AP1S3: variants seen among roughly 807,000 people sequenced by gnomAD.
The protein encoded by AP1S3 is AP-1 complex subunit sigma-3.
AP1S3 carries 10 observed loss-of-function variants against 20.9 expected under a neutral mutation model. The ratio of observed to expected loss-of-function variants is 0.48; its 90% confidence interval spans 0.29 to 0.81. The LOEUF (loss-of-function observed/expected upper bound fraction) is 0.81. AP1S3 is among the 30% of genes least tolerant of loss of function. The pLI is 0.08. For missense variants in AP1S3, 154 were observed against 183.8 expected, an observed-to-expected ratio of 0.84 and a Z score of 0.94; for synonymous variants, 41 against 61.5, an observed-to-expected ratio of 0.67 and a Z score of 1.56.
At chr2:223,831,188 T>G (rs60563766) in intron 1 of AP1S3, among the ~76,000 whole-genome samples, 13,887 of 152,172 alleles carry the variant, frequency 0.091, 799 homozygotes, top group South Asian at 0.19. Flanking sequence ...TGGAGTGCAG[T>G]GGCACAATCA....
chr2:223,792,758 G>A (rs1443301794), intron 1 of AP1S3, among the ~76,000 whole-genome samples: 3 of 152,106 alleles, frequency 2.0e-5, no homozygotes, highest in East Asian at 1.9e-4. Context: ...CAGAGCAAAC[G>A]AAACTGTCAT....
intron 1 of AP1S3, among the ~76,000 whole-genome samples, chr2:223,834,831 A>G (rs1692358702): frequency 6.6e-6 from 1 of 152,128 alleles, no homozygotes; most frequent in Non-Finnish European, 1.5e-5. Context: ...TATGACCAAT[A>G]ACAATATTTT....
intron 3 of AP1S3, among the ~76,000 whole-genome samples, chr2:223,767,896 G>T (rs1690519092): frequency 1.3e-5 from 2 of 152,160 alleles, no homozygotes; most frequent in South Asian, 4.2e-4. Context: ...TTGGTCATCA[G>T]TTTCTACTGA....
chr2:223,771,590 T>C (rs947722236), intron 3 of AP1S3, among the ~76,000 whole-genome samples: 25 of 152,238 alleles, frequency 1.6e-4, no homozygotes, highest in Non-Finnish European at 3.5e-4. Flanking sequence ...GTCCTAGCCT[T>C]GTGCTCTTCT....
At chr2:223,836,659 G>T (rs1462276892) in intron 1 of AP1S3, among the ~76,000 whole-genome samples, 1 of 152,040 alleles carries the variant, frequency 6.6e-6, no homozygotes, top group African/African-American at 2.4e-5. Context: ...AGAATCGCTT[G>T]AACCCGGGAG....
At chr2:223,833,882 T>TTA (rs1553528470) in intron 1 of AP1S3, among the ~76,000 whole-genome samples, 22 of 145,940 alleles carry the variant, frequency 1.5e-4, no homozygotes, top group African/African-American at 5.6e-4. Flanking sequence ...TTTACACTCT[T>TTA]TTTATTTATT....
intron 2 of AP1S3, chr2:223,776,263 T>C: frequency 1.8e-6 from 1 of 552,238 alleles, no homozygotes; most frequent in Non-Finnish European, 3.5e-6. Flanking sequence ...AGAGCTATTA[T>C]CAGGAGGACA....
intron 1 of AP1S3, among the ~76,000 whole-genome samples, chr2:223,836,167 G>A (rs1237437635): frequency 1.3e-5 from 2 of 152,138 alleles, no homozygotes; most frequent in African/African-American, 4.8e-5. Context: ...ACCCACTCCT[G>A]CCTCCGGTGG....
chr2:223,769,894 G>A (rs1690572246), intron 3 of AP1S3, among the ~76,000 whole-genome samples: 2 of 151,748 alleles, frequency 1.3e-5, no homozygotes, highest in Admixed American at 6.6e-5. Flanking sequence ...ACAGGCGCCC[G>A]CTACCTCGCC....
chr2:223,818,009 G>A (rs1344425519), intron 1 of AP1S3, among the ~76,000 whole-genome samples: 1 of 152,026 alleles, frequency 6.6e-6, no homozygotes, highest in African/African-American at 2.4e-5. Context: ...TAGGCAATGT[G>A]TCATATTGAA....
intron 3 of AP1S3, chr2:223,770,065 G>C: frequency 7.2e-7 from 1 of 1,379,502 alleles, no homozygotes; most frequent in Non-Finnish European, 9.7e-7. Flanking sequence ...TTTAAAAACC[G>C]TATATGTTTA....
chr2:223,756,981 A>G lies in AP1S3; in HGVS notation c.*1734T>C. The G allele has an allele frequency of 1.0e-6, 1 of 982,824 alleles. No homozygotes were observed. The highest frequency in any genetic ancestry group is 1.2e-6 in the Non-Finnish European group (1 of 829,124). 60.9% of individuals were successfully genotyped at this position (982,824 alleles called of 1,614,324 possible). On this transcript the variant is annotated 3_prime_UTR_variant, in exon 5 of 5. Coordinates refer to ENST00000396654, the MANE Select transcript of AP1S3 (RefSeq NM_001039569.2). Reference sequence around the variant, plus strand: ...GCAAGACAGAATACTACAAGCTTTTACTTTTTCTTTTTTTTTTTTTTTTTC... The same window carrying G: ...GCAAGACAGAATACTACAAGCTTTTGCTTTTTCTTTTTTTTTTTTTTTTTC...
In AP1S3 at chr2:223,778,144, GAGA is replaced by G. The variant is rs1221021639; in HGVS notation, c.4-278_4-276del. On this transcript the variant is annotated intron_variant, in intron 1 of 4. Transcript: ENST00000396654. ...TGTTTGTTTGTTTGTTTGTTTTTTT[GAGA>G]AGGAGTGTCGCTCTGCTGCCCAGGC... Among the ~76,000 whole-genome samples the G allele has an allele frequency of 2.2e-4, 33 of 147,008 alleles. No individual in the cohort carries two copies. In the East Asian group the frequency reaches 5.8e-3, roughly 26 times the overall value.
chr2:223,789,173 G>C (rs1180774400), intron 1 of AP1S3, among the ~76,000 whole-genome samples: 1 of 151,316 alleles, frequency 6.6e-6, no homozygotes, highest in African/African-American at 2.4e-5. Flanking sequence ...AAATCACAGA[G>C]CTGAACAAAT....
intron 1 of AP1S3, among the ~76,000 whole-genome samples, chr2:223,797,601 A>C (rs1343703836): frequency 6.6e-6 from 1 of 152,030 alleles, no homozygotes; most frequent in Non-Finnish European, 1.5e-5. Flanking sequence ...GTTTCTACTA[A>C]AAATACAAAA....
In AP1S3 at chr2:223,756,794, C is replaced by G. The variant is rs531011005; in HGVS notation, c.*1921G>C. 1.0e-6 allele frequency: 1 copy of G among 985,134 alleles called. No individual in the cohort carries two copies. The highest frequency in any genetic ancestry group is 4.7e-5 in the South Asian group (1 of 21,282). 61.0% of individuals were successfully genotyped at this position (985,134 alleles called of 1,614,324 possible). A position where few individuals can be genotyped will look rare whatever the true frequency, so the allele number is the denominator to read the frequency against. On this transcript the variant is annotated 3_prime_UTR_variant, in exon 5 of 5. Transcript: ENST00000396654. ...TGAACTAAAGAGAACATTTTTCCAT[C>G]GAGTTCTCTAAAAATCTACCAGATG...
In AP1S3 at chr2:223,806,606, AT is replaced by A. The variant is rs1486709586; in HGVS notation, c.4-28738del. On this transcript the variant is annotated intron_variant, in intron 1 of 4. Coordinates refer to ENST00000396654, the MANE Select transcript of AP1S3 (RefSeq NM_001039569.2). ...GCCAACAAAGGATTATTTTTATGTC[AT>A]TTTAGCTGTATATGACATAATTTAG... Among the ~76,000 whole-genome samples, 9 of 152,024 alleles carry A rather than the reference AT, an allele frequency of 5.9e-5. No homozygotes were observed. In the East Asian group the frequency reaches 1.7e-3, roughly 29 times the overall value.
chr2:223,803,565 A>T (rs1213117614), intron 1 of AP1S3, among the ~76,000 whole-genome samples: 2 of 152,116 alleles, frequency 1.3e-5, no homozygotes, highest in African/African-American at 4.8e-5. Context: ...TGTACACCTG[A>T]GTTTAGAAAA....
chr2:223,758,810 G>A, intron 4 of AP1S3, 60 bp from the exon 5 acceptor site: 1 of 1,415,050 alleles, frequency 7.1e-7, no homozygotes, highest in Admixed American at 2.0e-5. Context: ...TCCGCAGACT[G>A]TGAAATCTTC....
Sources: allele counts gnomAD v4.1 joint callset (sites outside exome capture counted in the v4.1 genomes callset), GRCh38; gene constraint gnomAD v4.1.1; transcripts MANE v1.5; gene names NCBI Gene and HGNC (gene_info 2026-07-23, HGNC 2026-07-21).